PRSS23: variants seen among roughly 807,000 people sequenced by gnomAD.
PRSS23 encodes protease, serine 23.
A neutral mutation model predicts 34.7 loss-of-function variants in PRSS23; 25 were observed. The ratio of observed to expected loss-of-function variants is 0.72; its 90% CI spans 0.53 to 1.01. PRSS23 has a LOEUF of 1.01. Among genes scored for constraint, PRSS23 ranks in the 50% least tolerant of loss-of-function variants. The pLI is 0.00. For missense variants in PRSS23, 445 were observed against 475.6 expected (o/e 0.94, Z 0.60); for synonymous variants, 176 against 186.6 (o/e 0.94, Z 0.46).
At chr11:86,888,938 T>TG (rs1948823136) in intron 2 of PRSS23, among the ~76,000 whole-genome samples, 1 of 152,216 alleles carries the variant, frequency 6.6e-6, no homozygotes, top group Non-Finnish European at 1.5e-5. Flanking sequence ...TAATGTCTTT[T>TG]TGCAGTTACT....
Position 86,913,980 on chromosome 11 carries a change from G to A in PRSS23, c.207-37236G>A, listed in dbSNP as rs950244205. On this transcript the variant is annotated intron_variant, in intron 2 of 2. Transcript: ENST00000533902. ...AATGTTTTCGGAGGCTGAGGCGGGTGGATCACCTGAGGTCAGGAGTTTGAG... is the reference window on the plus strand; with the variant it reads ...AATGTTTTCGGAGGCTGAGGCGGGTAGATCACCTGAGGTCAGGAGTTTGAG... Among the ~76,000 whole-genome samples the A allele has an allele frequency of 5.5e-5, 8 of 145,438 alleles. No homozygotes were observed. The East Asian group carries it at 1.4e-3, about 25-fold the overall frequency.
chr11:86,937,593 G>A (rs1166234847), intron 2 of PRSS23: 1 of 152,184 alleles, frequency 6.6e-6, no homozygotes, highest in East Asian at 1.9e-4. Context: ...GTGACCTCTG[G>A]TTGTCCTCAC....
At chr11:86,812,004 C>G (rs1948182132), downstream of PRSS23, among the ~76,000 whole-genome samples, 1 of 152,112 alleles carries the variant, frequency 6.6e-6, no homozygotes, top group African/African-American at 2.4e-5. Context: ...TGAACCAGCT[C>G]AGGTATGCCT....
intron 2 of PRSS23, among the ~76,000 whole-genome samples, chr11:86,919,185 G>C (rs1949032645): frequency 6.6e-6 from 1 of 152,164 alleles, no homozygotes; most frequent in Admixed American, 6.5e-5. Context: ...CTTCCATCCA[G>C]CAAATGTTTT....
At chr11:86,800,825 G>C (rs992116632) in intron 1 of PRSS23, among the ~76,000 whole-genome samples, 174 bp downstream of exon 1, 2 of 152,214 alleles carry the variant, frequency 1.3e-5, no homozygotes, top group African/African-American at 4.8e-5. Flanking sequence ...CTGGGGGCCT[G>C]AAGGAGCTCT....
chr11:86,829,597 T>A (rs1295507903), intron 2 of PRSS23, among the ~76,000 whole-genome samples: 1 of 152,172 alleles, frequency 6.6e-6, no homozygotes, highest in East Asian at 1.9e-4. Context: ...TTCTGCTCTG[T>A]TTTTTCCCCA....
At chr11:86,931,204 C>T (rs574259829) in intron 2 of PRSS23, among the ~76,000 whole-genome samples, 2 of 152,302 alleles carry the variant, frequency 1.3e-5, no homozygotes, top group African/African-American at 4.8e-5. Context: ...AAACATACAT[C>T]TACCCTATGA....
At chr11:86,837,246 TC>T (rs1416987165) in intron 2 of PRSS23, 4 of 152,326 alleles carry the variant, frequency 2.6e-5, no homozygotes, top group Non-Finnish European at 5.9e-5. Flanking sequence ...TGCCACAAGT[TC>T]CCTTGATTTA....
intron 2 of PRSS23, among the ~76,000 whole-genome samples, chr11:86,845,539 G>A (rs1221552903): frequency 6.6e-6 from 1 of 152,210 alleles, no homozygotes; most frequent in Non-Finnish European, 1.5e-5. Context: ...ATGAGTCTCA[G>A]AATGAGAGGA....
At chr11:86,914,042 T>TAAA (rs35087518) in intron 2 of PRSS23, among the ~76,000 whole-genome samples, 76,247 of 114,432 alleles carry the variant, frequency 0.67, 26,598 homozygotes, top group Non-Finnish European at 0.76. Context: ...CCATCTCTAC[T>TAAA]AAAAAAAAAA....
At chr11:86,828,067 T>G (rs1253840322) in intron 2 of PRSS23, among the ~76,000 whole-genome samples, 2 of 152,206 alleles carry the variant, frequency 1.3e-5, no homozygotes, top group Non-Finnish European at 2.9e-5. Flanking sequence ...TTCTGTCTCA[T>G]TGATCTGTCT....
rs1044948692 is a variant in PRSS23, at chr11:86,845,351, G to T, written c.206+21758G>T. Among the ~76,000 whole-genome samples, 5 of 152,088 alleles carry T rather than the reference G, an allele frequency of 3.3e-5. No individual in the cohort carries two copies. In the East Asian group the frequency reaches 9.6e-4, roughly 29 times the overall value. ...AGGGAAACCAGAACTTCAGGTCAGG[G>T]GATACTTCAGTTGAATTGTATGGAG... On this transcript the variant is annotated intron_variant, in intron 2 of 2. Transcript: ENST00000533902.
intron 1 of PRSS23, among the ~76,000 whole-genome samples, chr11:86,806,226 G>A (rs1176871396): frequency 1.3e-5 from 2 of 152,208 alleles, no homozygotes; most frequent in African/African-American, 4.8e-5. Context: ...TGAGCTAAGT[G>A]TGATTCCCCA....
intron 2 of PRSS23, among the ~76,000 whole-genome samples, chr11:86,858,416 G>T (rs534928126): frequency 6.6e-6 from 1 of 151,528 alleles, no homozygotes; most frequent in South Asian, 2.1e-4. Context: ...ACCGATGGGG[G>T]TGCACACAAC....
chr11:86,933,914 T>C (rs1949143248), intron 2 of PRSS23: 2 of 152,246 alleles, frequency 1.3e-5, no homozygotes, highest in African/African-American at 4.8e-5. Flanking sequence ...TTGGATTATA[T>C]ATGTATTTAC....
chr11:86,861,847 GGAT>G (rs2134935170), intron 2 of PRSS23, among the ~76,000 whole-genome samples: 1 of 152,032 alleles, frequency 6.6e-6, no homozygotes, highest in African/African-American at 2.4e-5. Flanking sequence ...GAGTGGGAGA[GGAT>G]GATATTACTT....
At chr11:86,878,951 C>T (rs1285654128) in intron 2 of PRSS23, among the ~76,000 whole-genome samples, 6 of 131,400 alleles carry the variant, frequency 4.6e-5, no homozygotes, top group Admixed American at 3.0e-4. Flanking sequence ...CGTCTCTGCC[C>T]GGCCGCCATC....
At chr11:86,918,111 C>T (rs10792880) in intron 2 of PRSS23, among the ~76,000 whole-genome samples, 93,799 of 152,046 alleles carry the variant, frequency 0.62, 29,491 homozygotes, top group Non-Finnish European at 0.7. Flanking sequence ...AATGTTAAGA[C>T]GACTCTTTTT....
At chr11:86,912,158 A>T (rs534676644) in intron 2 of PRSS23, 1 of 152,198 alleles carries the variant, frequency 6.6e-6, no homozygotes, top group Non-Finnish European at 1.5e-5. Context: ...AAGCAGAAAA[A>T]GACAAGACAA....
Sources: allele counts gnomAD v4.1 joint callset (sites outside exome capture counted in the v4.1 genomes callset), GRCh38; gene constraint gnomAD v4.1.1; transcripts MANE v1.5; gene names NCBI Gene and HGNC (gene_info 2026-07-23, HGNC 2026-07-21).